The following PGM5 variants were observed in gnomAD, a reference collection of about 807,000 sequenced individuals.
PGM5 encodes phosphoglucomutase-like protein 5.
In PGM5, 23 loss-of-function variants were observed where a neutral mutation model predicts 59.2. The observed-to-expected ratio is 0.39, with a 90% CI of 0.28 to 0.55. The LOEUF is 0.55. Ranked by LOEUF, PGM5 falls within the 20% of genes least tolerant of loss-of-function variation. The pLI is 0.66. For missense variants in PGM5, 574 were observed against 748.3 expected, an observed-to-expected ratio of 0.77 and a Z score of 2.72; for synonymous variants, 214 against 286.0, an observed-to-expected ratio of 0.75 and a Z score of 2.54.
At chr9:68,493,343 A>G (rs1342881261) in intron 9 of PGM5, among the ~76,000 whole-genome samples, 5 of 152,226 alleles carry the variant, frequency 3.3e-5, no homozygotes, top group African/African-American at 1.2e-4. Flanking sequence ...TACTCTACAT[A>G]AGGCTCTGTG....
At chr9:68,464,330 G>C (rs1319245409) in intron 6 of PGM5, among the ~76,000 whole-genome samples, 1 of 152,186 alleles carries the variant, frequency 6.6e-6, no homozygotes, top group Non-Finnish European at 1.5e-5. Flanking sequence ...GAGTGAGGAA[G>C]GAGGATTGAA....
chr9:68,497,691 G>T (rs1824503700), intron 9 of PGM5: 1 of 152,298 alleles, frequency 6.6e-6, no homozygotes, highest in Middle Eastern at 3.4e-3. Context: ...TGCTTTGGGA[G>T]AATGCCTGAT....
At chr9:68,464,262 A>G (rs1478128051) in intron 6 of PGM5, among the ~76,000 whole-genome samples, 2 of 152,166 alleles carry the variant, frequency 1.3e-5, no homozygotes, top group Non-Finnish European at 2.9e-5. Flanking sequence ...GCTTTCAGGA[A>G]GTTTATTCCT....
intron 7 of PGM5, among the ~76,000 whole-genome samples, chr9:68,476,192 C>T (rs1824100896): frequency 6.6e-6 from 1 of 152,194 alleles, no homozygotes; most frequent in Admixed American, 6.5e-5. Context: ...CAAACCTTTG[C>T]TAACCTGACA....
At chr9:68,518,572 G>C (rs1209685784) in intron 10 of PGM5, among the ~76,000 whole-genome samples, 1 of 152,146 alleles carries the variant, frequency 6.6e-6, no homozygotes, top group Admixed American at 6.5e-5. Context: ...AATACACCAA[G>C]ATGTTGAAAT....
chr9:68,376,835 C>CTCTTTCTTTCTTTCT (rs1563984870), intron 1 of PGM5, among the ~76,000 whole-genome samples: 1,315 of 58,160 alleles, frequency 0.023, 22 homozygotes, highest in Non-Finnish European at 0.027. Flanking sequence ...CTTTCTTTCT[C>CTCTTTCTTTCTTTCT]TTTCTTTCTT....
intron 2 of PGM5, among the ~76,000 whole-genome samples, chr9:68,381,105 C>A (rs576653871): frequency 6.6e-6 from 1 of 152,006 alleles, no homozygotes; most frequent in African/African-American, 2.4e-5. Context: ...CACCTTGATA[C>A]CTAAAGCCAG....
intron 7 of PGM5, chr9:68,466,319 T>C (rs1823934895): frequency 1.9e-6 from 1 of 534,318 alleles, no homozygotes; most frequent in Admixed American, 5.2e-5. Context: ...AAAATAGTTT[T>C]TAGTTCTCTG....
At chr9:68,464,134 A>G (rs1240288887) in intron 6 of PGM5, among the ~76,000 whole-genome samples, 1 of 152,164 alleles carries the variant, frequency 6.6e-6, no homozygotes, top group Non-Finnish European at 1.5e-5. Flanking sequence ...GGACATTTGG[A>G]TTGTTTCAGT....
At position 68,422,545 on chromosome 9, in the gene PGM5, G is replaced by T. The variant is rs11792626; in HGVS notation, c.1043+30072G>T. Among the ~76,000 whole-genome samples the T allele has an allele frequency of 1.3e-3, 205 of 152,090 alleles. 1 individual carries two copies. The highest frequency in any genetic ancestry group is 2.3e-3 in the Non-Finnish European group (157 of 67,972). On this transcript the variant is annotated intron_variant, in intron 6 of 10. Transcript: ENST00000396396. ...AGGCTCAAGTGATCCTCCTGCCTCA[G>T]CCTCCCAAAATTCTGGAATTATAGG...
chr9:68,393,406 C>T (rs1554679699), intron 6 of PGM5, among the ~76,000 whole-genome samples: 1 of 151,816 alleles, frequency 6.6e-6, no homozygotes, highest in Non-Finnish European at 1.5e-5. Flanking sequence ...AAGCACATTG[C>T]TTGTAACCTG....
At chr9:68,441,745 A>G (rs1034335953) in intron 6 of PGM5, among the ~76,000 whole-genome samples, 16 of 152,190 alleles carry the variant, frequency 1.1e-4, no homozygotes, top group African/African-American at 3.9e-4. Flanking sequence ...TAGCAGACCC[A>G]GCCAATGCAA....
At chr9:68,368,290 A>G (rs1466524346) in intron 1 of PGM5, among the ~76,000 whole-genome samples, 4 of 151,260 alleles carry the variant, frequency 2.6e-5, no homozygotes, top group Non-Finnish European at 5.9e-5. Context: ...GGAGTAAGGA[A>G]TATAAACAGT....
intron 6 of PGM5, among the ~76,000 whole-genome samples, chr9:68,412,467 C>T (rs1363411411): frequency 1.3e-5 from 2 of 152,160 alleles, no homozygotes; most frequent in Non-Finnish European, 2.9e-5. Context: ...CTCAGTGTTC[C>T]CTACTTCCTA....
intron 1 of PGM5, among the ~76,000 whole-genome samples, chr9:68,358,636 C>A (rs1158440184): frequency 1.3e-5 from 2 of 152,056 alleles, no homozygotes; most frequent in Non-Finnish European, 2.9e-5. Context: ...TCCTTCCCAA[C>A]CCTCTCCTTT....
At chr9:68,450,760 T>C (rs1823683902) in intron 6 of PGM5, among the ~76,000 whole-genome samples, 1 of 152,170 alleles carries the variant, frequency 6.6e-6, no homozygotes, top group Non-Finnish European at 1.5e-5. Flanking sequence ...TGTTTCAAGA[T>C]TTTCAGAGAA....
intron 7 of PGM5, among the ~76,000 whole-genome samples, chr9:68,477,051 C>T (rs1187422876): frequency 2.0e-5 from 3 of 152,058 alleles, no homozygotes; most frequent in Admixed American, 2.0e-4. Context: ...GTTTCCTAAA[C>T]TTGTTTTTTG....
chr9:68,516,710 TCTC>T, intron 10 of PGM5, among the ~76,000 whole-genome samples: 1 of 152,200 alleles, frequency 6.6e-6, no homozygotes, highest in Middle Eastern at 3.4e-3. Context: ...AGCCAGGAGT[TCTC>T]CTTGCCAAAG....
intron 6 of PGM5, among the ~76,000 whole-genome samples, chr9:68,429,755 G>A (rs1823310945): frequency 6.6e-6 from 1 of 152,180 alleles, no homozygotes; most frequent in African/African-American, 2.4e-5. Context: ...GATTTTCTCA[G>A]GCCTCCATCC....
Sources: gnomAD v4.1 joint callset for allele counts (sites outside exome capture counted in the v4.1 genomes callset) on GRCh38, gnomAD v4.1.1 for gene constraint, MANE v1.5 for transcripts, NCBI Gene and HGNC (gene_info 2026-07-23, HGNC 2026-07-21) for gene names.